CHLSN: variants seen among roughly 807,000 people sequenced by gnomAD.
CHLSN encodes cholesin.
the CHLSN span, among the ~76,000 whole-genome samples, chr7:1,090,364 GCA>G: frequency 6.6e-6 from 1 of 152,366 alleles, no homozygotes; most frequent in Middle Eastern, 3.4e-3. Flanking sequence ...ACTTCCAGGA[GCA>G]CAGTGACACG....
the CHLSN span, chr7:997,947 C>A: frequency 1.5e-6 from 1 of 675,126 alleles, no homozygotes. Flanking sequence ...GGCGGCCTGG[C>A]CACAGACCCT....
At chr7:1,068,064 C>T in the CHLSN span, among the ~76,000 whole-genome samples, 1 of 152,174 alleles carries the variant, frequency 6.6e-6, no homozygotes, top group Non-Finnish European at 1.5e-5. Context: ...GTCCTGCGCA[C>T]CAGGCTCCTC....
the CHLSN span, among the ~76,000 whole-genome samples, chr7:1,029,266 C>T: frequency 6.6e-6 from 1 of 152,086 alleles, no homozygotes; most frequent in Non-Finnish European, 1.5e-5. Flanking sequence ...TAGCTGGGAC[C>T]ACAGGAGTGC....
chr7:1,031,798 C>T, the CHLSN span, among the ~76,000 whole-genome samples: 3 of 66,122 alleles, frequency 4.5e-5, no homozygotes, highest in Admixed American at 1.5e-4. Flanking sequence ...CAGAGTGGTC[C>T]GGGGCGGCAG....
At chr7:1,065,551 C>G in the CHLSN span, among the ~76,000 whole-genome samples, 3 of 152,226 alleles carry the variant, frequency 2.0e-5, no homozygotes, top group South Asian at 6.2e-4. Flanking sequence ...TGCGGGGACA[C>G]AGCTAGATGT....
chr7:1,070,769 G>T, the CHLSN span, among the ~76,000 whole-genome samples: 1 of 142,934 alleles, frequency 7.0e-6, no homozygotes. Context: ...ACATACACAT[G>T]CACACGCACG....
At chr7:1,000,473 G>A in the CHLSN span, 4 of 1,602,286 alleles carry the variant, frequency 2.5e-6, no homozygotes, top group Non-Finnish European at 3.4e-6. Flanking sequence ...CACACACCTT[G>A]TCACTGTCAT....
the CHLSN span, among the ~76,000 whole-genome samples, chr7:1,072,218 C>G: frequency 6.6e-6 from 1 of 152,228 alleles, no homozygotes; most frequent in South Asian, 2.1e-4. Context: ...ACGGTCAGCA[C>G]ACACTGACCC....
chr7:1,054,688 G>A, the CHLSN span, among the ~76,000 whole-genome samples: 68 of 152,318 alleles, frequency 4.5e-4, no homozygotes, highest in African/African-American at 1.6e-3. Flanking sequence ...GGGGTGCGGC[G>A]GGCAAGAGGC....
At chr7:1,127,442 T>C in the CHLSN span, 252 of 1,500,084 alleles carry the variant, frequency 1.7e-4, no homozygotes, top group South Asian at 3.1e-3. Flanking sequence ...TTAACTCATG[T>C]AAGATTTTTA....
chr7:1,092,164 T>G, the CHLSN span: 1 of 1,613,510 alleles, frequency 6.2e-7, no homozygotes, highest in Non-Finnish European at 8.5e-7. Flanking sequence ...CAGCAGCGTC[T>G]TCTTCCTCAC....
At chr7:1,082,587 C>CGGCCA in the CHLSN span, among the ~76,000 whole-genome samples, 11 of 152,226 alleles carry the variant, frequency 7.2e-5, no homozygotes, top group Non-Finnish European at 1.3e-4. Flanking sequence ...GACCCAAAGC[C>CGGCCA]GGCCAGGCCA....
At chr7:1,136,411 C>CATATAA in the CHLSN span, among the ~76,000 whole-genome samples, 1 of 31,000 alleles carries the variant, frequency 3.2e-5, no homozygotes, top group African/African-American at 1.6e-4. Flanking sequence ...TATATATAAA[C>CATATAA]ATATATATAA....
At chr7:1,134,407 C>G in the CHLSN span, among the ~76,000 whole-genome samples, 1 of 149,408 alleles carries the variant, frequency 6.7e-6, no homozygotes, top group Non-Finnish European at 1.5e-5. Flanking sequence ...AACCCCATCT[C>G]TACTAAAAAT....
At chr7:1,096,439 C>G in the CHLSN span, among the ~76,000 whole-genome samples, 3 of 152,202 alleles carry the variant, frequency 2.0e-5, no homozygotes, top group South Asian at 2.1e-4. The surrounding 1 kb of genome is among the most constrained non-coding windows in gnomAD (Gnocchi z 4.6). Context: ...ACCCTGAGAT[C>G]CCAGAGCTGG....
chr7:1,065,123 G>A, the CHLSN span, among the ~76,000 whole-genome samples: 1 of 152,310 alleles, frequency 6.6e-6, no homozygotes, highest in South Asian at 2.1e-4. Flanking sequence ...TGTTCTAGGG[G>A]CCACGGCACC....
the CHLSN span, among the ~76,000 whole-genome samples, chr7:1,053,742 G>A: frequency 0.03 from 4,509 of 152,254 alleles, 199 homozygotes; most frequent in African/African-American, 0.1. Context: ...CAGGAGAATC[G>A]CTTGAACCCG....
chr7:1,007,720 C>T, the CHLSN span, among the ~76,000 whole-genome samples: 1 of 152,200 alleles, frequency 6.6e-6, no homozygotes, highest in Admixed American at 6.5e-5. Context: ...ACACGCAGGA[C>T]ACAGTGCCTC....
the CHLSN span, among the ~76,000 whole-genome samples, chr7:1,101,750 G>C: frequency 3.9e-5 from 6 of 152,310 alleles, no homozygotes; most frequent in East Asian, 7.7e-4. Context: ...CACGCAGCCC[G>C]CAGCTCTCTG....
Sources: allele counts gnomAD v4.1 joint callset (sites outside exome capture counted in the v4.1 genomes callset), GRCh38; gene constraint gnomAD v4.1.1; non-coding constraint Gnocchi (gnomAD v3.1); transcripts MANE v1.5; gene names NCBI Gene and HGNC (gene_info 2026-07-23, HGNC 2026-07-21).